The following ZNF521 variants were observed in gnomAD, a reference collection of about 807,000 sequenced individuals.
The protein encoded by ZNF521 is LYST-interacting protein 3.
In ZNF521, 14 loss-of-function variants were observed where a neutral mutation model predicts 105.5. That is an observed-to-expected ratio of 0.13 (90% CI 0.09 to 0.21). The LOEUF is 0.21. Ranked by LOEUF, ZNF521 falls within the 10% of genes least tolerant of loss-of-function variation. The probability of loss-of-function intolerance (pLI) is 1.00; values close to 1 mark genes in which losing one functional copy is unlikely to be tolerated. For synonymous variants in ZNF521, 635 were observed against 606.0 expected, an observed-to-expected ratio of 1.05 and a Z score of -0.70; for missense variants, 1,233 against 1,629.7, an observed-to-expected ratio of 0.76 and a Z score of 4.19.
At chr18:25,197,391 G>T (rs929936812) in intron 4 of ZNF521, among the ~76,000 whole-genome samples, 1 of 151,680 alleles carries the variant, frequency 6.6e-6, no homozygotes, top group Non-Finnish European at 1.5e-5. Context: ...ATGCAAATTG[G>T]GATGTGTTAA....
intron 6 of ZNF521, among the ~76,000 whole-genome samples, chr18:25,090,365 C>T (rs1266818337): frequency 1.3e-5 from 2 of 152,118 alleles, no homozygotes; most frequent in Non-Finnish European, 2.9e-5. Context: ...TGGCATTTGA[C>T]TTTGACTCCA....
chr18:25,135,604 C>T (rs1453283685), intron 5 of ZNF521, among the ~76,000 whole-genome samples: 1 of 152,160 alleles, frequency 6.6e-6, no homozygotes, highest in East Asian at 1.9e-4. Context: ...CTGAGGAATA[C>T]TCAGCTCCCG....
At chr18:25,304,972 A>T (rs1342005220) in intron 3 of ZNF521, among the ~76,000 whole-genome samples, 1 of 152,232 alleles carries the variant, frequency 6.6e-6, no homozygotes, top group African/African-American at 2.4e-5. Context: ...TCAGCAAAAG[A>T]TGTGAATATA....
At chr18:25,300,059 G>T (rs1037948981) in intron 3 of ZNF521, among the ~76,000 whole-genome samples, 2 of 152,180 alleles carry the variant, frequency 1.3e-5, no homozygotes, top group Non-Finnish European at 2.9e-5. Context: ...TGGGCCTCAA[G>T]AGACTGCAAC....
At chr18:25,124,180 C>T (rs1319153129) in intron 5 of ZNF521, among the ~76,000 whole-genome samples, 2 of 152,098 alleles carry the variant, frequency 1.3e-5, no homozygotes, top group South Asian at 2.1e-4. Flanking sequence ...CTCTAGTCAT[C>T]TTTTATTTGT....
chr18:25,202,610 A>G (rs1189033675), intron 4 of ZNF521: 1 of 152,226 alleles, frequency 6.6e-6, no homozygotes, highest in Non-Finnish European at 1.5e-5. Context: ...TTCAAGGACT[A>G]TAGCAATATA....
intron 7 of ZNF521, among the ~76,000 whole-genome samples, chr18:25,070,711 T>C (rs898523945): frequency 6.6e-6 from 1 of 151,938 alleles, no homozygotes. Context: ...AGTGGCATCT[T>C]CCCAGTTGTG....
intron 2 of ZNF521, among the ~76,000 whole-genome samples, chr18:25,339,929 T>A (rs1914103000): frequency 6.6e-6 from 1 of 152,172 alleles, no homozygotes; most frequent in African/African-American, 2.4e-5. Flanking sequence ...CTAGAAGAGA[T>A]TCAAAGTGAA....
chr18:25,257,940 C>T (rs1000083063), intron 3 of ZNF521, among the ~76,000 whole-genome samples: 2 of 152,140 alleles, frequency 1.3e-5, no homozygotes, highest in African/African-American at 4.8e-5. Flanking sequence ...TTCACAGACA[C>T]ACATGCACAT....
chr18:25,222,914 G>A (rs1905829923), intron 4 of ZNF521, among the ~76,000 whole-genome samples: 1 of 152,140 alleles, frequency 6.6e-6, no homozygotes, highest in South Asian at 2.1e-4. Context: ...TTTCTTTCAT[G>A]TGGCTGAAGT....
At chr18:25,312,065 T>C (rs547258302) in intron 3 of ZNF521, among the ~76,000 whole-genome samples, 2 of 152,312 alleles carry the variant, frequency 1.3e-5, no homozygotes, top group Admixed American at 6.5e-5. Flanking sequence ...AGTAGCTTTC[T>C]TGTGAATCAC....
chr18:25,071,572 G>C (rs2033223073), intron 7 of ZNF521, among the ~76,000 whole-genome samples: 1 of 152,168 alleles, frequency 6.6e-6, no homozygotes, highest in African/African-American at 2.4e-5. Context: ...AATGGCAGGT[G>C]AATCAACTAC....
At chr18:25,338,635 C>A (rs952476442) in intron 2 of ZNF521, among the ~76,000 whole-genome samples, 2 of 152,134 alleles carry the variant, frequency 1.3e-5, no homozygotes, top group Non-Finnish European at 2.9e-5. Flanking sequence ...CTGTCTCGAA[C>A]TCCTGAGCTC....
chr18:25,090,977 T>C (rs1344134274), intron 6 of ZNF521, among the ~76,000 whole-genome samples: 1 of 152,240 alleles, frequency 6.6e-6, no homozygotes, highest in East Asian at 1.9e-4. Context: ...AACAGGCAAC[T>C]GTTGAAGGCA....
At chr18:25,300,740 T>C (rs1193962364) in intron 3 of ZNF521, among the ~76,000 whole-genome samples, 1 of 152,226 alleles carries the variant, frequency 6.6e-6, no homozygotes, top group Admixed American at 6.5e-5. Flanking sequence ...CATTTACAAA[T>C]ATTTAACTTT....
chr18:25,278,584 CTTAA>C (rs1179057897), intron 3 of ZNF521, among the ~76,000 whole-genome samples: 6 of 152,204 alleles, frequency 3.9e-5, no homozygotes, highest in Non-Finnish European at 8.8e-5. Context: ...AATTTCATCC[CTTAA>C]TTGAGATCCT....
intron 5 of ZNF521, among the ~76,000 whole-genome samples, chr18:25,119,301 C>T (rs1017720556): frequency 1.3e-5 from 2 of 152,142 alleles, no homozygotes; most frequent in African/African-American, 4.8e-5. Flanking sequence ...ATTTCAACAA[C>T]ACTCTCAACC....
intron 5 of ZNF521, among the ~76,000 whole-genome samples, chr18:25,137,019 T>C (rs1436080926): frequency 6.6e-6 from 1 of 152,134 alleles, no homozygotes; most frequent in Non-Finnish European, 1.5e-5. Flanking sequence ...TCTGTCTCCT[T>C]GTAACCCCCA....
intron 2 of ZNF521, among the ~76,000 whole-genome samples, chr18:25,340,206 T>C (rs1215908472): frequency 2.0e-5 from 3 of 151,858 alleles, no homozygotes; most frequent in African/African-American, 7.3e-5. Flanking sequence ...AATACAAAAA[T>C]TAGCCAAGCG....
Sources: allele counts gnomAD v4.1 joint callset (sites outside exome capture counted in the v4.1 genomes callset), GRCh38; gene constraint gnomAD v4.1.1; transcripts MANE v1.5; gene names NCBI Gene and HGNC (gene_info 2026-07-23, HGNC 2026-07-21).